Variants in SLC35F5 observed in about 807,000 individuals in gnomAD.
The protein encoded by SLC35F5 is HCV NS5A-transactivated protein 3.
A neutral mutation model predicts 68.6 loss-of-function variants in SLC35F5; 54 were observed. The observed-to-expected ratio is 0.79, with a 90% CI of 0.63 to 0.99. SLC35F5 has a LOEUF of 0.99. Ranked by LOEUF, SLC35F5 falls within the 50% of genes least tolerant of loss-of-function variation. The probability of loss-of-function intolerance (pLI) is 0.00; values close to 1 mark genes in which losing one functional copy is unlikely to be tolerated. For missense variants in SLC35F5, 567 were observed against 626.9 expected (o/e 0.90, Z 1.02); for synonymous variants, 211 against 205.2 (o/e 1.03, Z -0.24).
At chr2:113,721,401 T>C (rs761529076) in intron 13 of SLC35F5, 3 of 154,088 alleles carry the variant, frequency 1.9e-5, no homozygotes, top group African/African-American at 7.2e-5. Context: ...TTATAATTAA[T>C]TGCATGTGCA....
chr2:113,752,410 T>C (rs1676781461), intron 3 of SLC35F5, among the ~76,000 whole-genome samples: 1 of 152,166 alleles, frequency 6.6e-6, no homozygotes, highest in Non-Finnish European at 1.5e-5. Flanking sequence ...AGTACTTAAA[T>C]TGGCATCATC....
rs1213901350 is a variant in SLC35F5 at position 113,712,288 on chromosome 2, T to C, written c.*2930A>G. Among the ~76,000 whole-genome samples, 1 of 152,116 alleles carries C rather than the reference T, an allele frequency of 6.6e-6. No individual in the cohort carries two copies. Among genetic ancestry groups the C allele is most frequent in the Non-Finnish European group, 1.5e-5 (1 of 68,024 alleles). ...CATTACATAAACCTAATGGTTCTTC[T>C]AAGCTTCAAAAAGCATTCATTTCAA... On this transcript the variant is annotated 3_prime_UTR_variant, in exon 16 of 16. Coordinates refer to ENST00000245680, the MANE Select transcript of SLC35F5 (RefSeq NM_025181.5).
At position 113,743,078 on chromosome 2, in the gene SLC35F5, A is replaced by G. The variant is rs1380830664; in HGVS notation, c.563-199T>C. On this transcript the variant is annotated intron_variant, in intron 6 of 15. Transcript: ENST00000245680. ...TAAAAGGAAAAATGATTTCATCTAC[A>G]AAAATGTTGTAAAAGGTTTAAAATG... is the stretch of plus-strand genomic sequence containing the variant. Among the ~76,000 whole-genome samples the G allele has an allele frequency of 2.6e-5, 4 of 152,248 alleles. No individual in the cohort carries two copies. In the East Asian group the frequency reaches 7.7e-4, roughly 29 times the overall value.
chr2:113,716,476 G>C (rs773631767), intron 15 of SLC35F5, among the ~76,000 whole-genome samples: 10 of 152,178 alleles, frequency 6.6e-5, no homozygotes, highest in Non-Finnish European at 1.5e-4. Context: ...CCAAAGTTAT[G>C]CAACAACTAC....
chr2:113,734,291 G>C (rs1427619316), intron 9 of SLC35F5, among the ~76,000 whole-genome samples: 2 of 152,194 alleles, frequency 1.3e-5, no homozygotes, highest in Non-Finnish European at 2.9e-5. Context: ...GGGAGATTAT[G>C]AGGATTAAGC....
chr2:113,733,384 C>A (rs757853962), intron 9 of SLC35F5: 1 of 363,084 alleles, frequency 2.8e-6, no homozygotes, highest in Middle Eastern at 3.7e-4. Context: ...ATTTTATATC[C>A]ATTTCCTTCT....
rs1029055925 is a variant in SLC35F5, at chr2:113,756,259, T to C, written c.40+111A>G. The C allele has an allele frequency of 2.6e-6, 4 of 1,539,974 alleles. No individual in the cohort carries two copies. The African/African-American group carries it at 5.5e-5, about 21-fold the overall frequency. On this transcript the variant is annotated intron_variant, in intron 1 of 15. Transcript: ENST00000245680. ...CCTCCGCCCCTAGAGACCTTCACGG[T>C]TTCGGTCAAGGCGCTCCTGCTGCCA...
In SLC35F5 at chr2:113,725,421, T is replaced by G; in HGVS notation, c.1207A>C (p.Asn403His). ...NKVVLMCIII[N>H]GLIGTVLSEF... ...GAGAGTACTGTTCCAATAAGGCCAT[T>G]AATGATAATGCACATTAATACTACT... Residue 403 changes from asparagine to histidine, a missense_variant, in exon 12 of 16, where the codon AAT (asparagine) becomes CAT (histidine). By Grantham distance (68) the Asn-to-His change is moderately conservative. Transcript: ENST00000245680. 1 of 1,611,552 alleles carries G rather than the reference T, an allele frequency of 6.2e-7. No individual in the cohort carries two copies. Among genetic ancestry groups the G allele is most frequent in the Non-Finnish European group, 8.5e-7 (1 of 1,179,156 alleles).
At chr2:113,727,953 T>C (rs1347326697) in intron 11 of SLC35F5, among the ~76,000 whole-genome samples, 1 of 152,202 alleles carries the variant, frequency 6.6e-6, no homozygotes, top group Non-Finnish European at 1.5e-5. Flanking sequence ...CCATTCCAAA[T>C]AAAATTTTCT....
rs1403012287 is a variant in SLC35F5, at chr2:113,709,905, G to A, written c.*5313C>T. Among the ~76,000 whole-genome samples, 1 of 152,146 alleles carries A rather than the reference G, an allele frequency of 6.6e-6. No homozygotes were observed. Among genetic ancestry groups the A allele is most frequent in the Non-Finnish European group, 1.5e-5 (1 of 68,018 alleles). ...TAACTCACTGCAGCCTCGAACTCCT[G>A]GGTTCAAGTGATCCTCCTGCCTCAG... On this transcript the variant is annotated 3_prime_UTR_variant, in exon 16 of 16. Coordinates refer to ENST00000245680, the MANE Select transcript of SLC35F5 (RefSeq NM_025181.5).
chr2:113,735,049 A>T (rs1346745924), intron 8 of SLC35F5, among the ~76,000 whole-genome samples: 1 of 152,136 alleles, frequency 6.6e-6, no homozygotes, highest in Admixed American at 6.6e-5. Context: ...TTGAAAGGTG[A>T]TTCAATCTTA....
At chr2:113,716,066 G>A (rs185917201) in intron 15 of SLC35F5, among the ~76,000 whole-genome samples, 1 of 152,286 alleles carries the variant, frequency 6.6e-6, no homozygotes, top group Admixed American at 6.5e-5. Flanking sequence ...ACAGGCATGA[G>A]TCACTATGCC....
intron 4 of SLC35F5, among the ~76,000 whole-genome samples, chr2:113,748,705 TAAAA>T (rs1676615006): frequency 6.6e-6 from 1 of 152,200 alleles, no homozygotes; most frequent in Admixed American, 6.5e-5. Flanking sequence ...TTTTGCAAAG[TAAAA>T]AAATACATAC....
chr2:113,740,729 C>A (rs1676233177), intron 7 of SLC35F5, among the ~76,000 whole-genome samples: 1 of 152,074 alleles, frequency 6.6e-6, no homozygotes, highest in Non-Finnish European at 1.5e-5. Context: ...TGGGTTCAAG[C>A]GATTCTCCTG....
At chr2:113,726,525 ATACT>A (rs1376429265) in intron 11 of SLC35F5, among the ~76,000 whole-genome samples, 33 of 152,184 alleles carry the variant, frequency 2.2e-4, no homozygotes, top group Non-Finnish European at 8.8e-5. Flanking sequence ...TATATAATTG[ATACT>A]TACTATGTCA....
At chr2:113,754,303 AAG>A (rs1676878269) in intron 3 of SLC35F5, among the ~76,000 whole-genome samples, 1 of 141,856 alleles carries the variant, frequency 7.0e-6, no homozygotes. Flanking sequence ...TCAAAAAAAA[AAG>A]AAAAAAAAAA....
downstream of SLC35F5, among the ~76,000 whole-genome samples, chr2:113,704,672 G>T (rs993398840): frequency 1.3e-5 from 2 of 152,004 alleles, no homozygotes; most frequent in African/African-American, 4.8e-5. Context: ...ATTGCCCGGG[G>T]CCGGCAGGGC....
At chr2:113,725,665 G>C in intron 11 of SLC35F5, 128 bp from the exon 12 acceptor site, 1 of 805,638 alleles carries the variant, frequency 1.2e-6, no homozygotes, top group Non-Finnish European at 1.9e-6. Flanking sequence ...TAAAACTTCT[G>C]TTGGTTTGTT....
At position 113,707,179 on chromosome 2, in the gene SLC35F5, CATT is replaced by C. The variant is rs10586101; in HGVS notation, c.*8036_*8038del. On this transcript the variant is annotated 3_prime_UTR_variant, in exon 16 of 16. Coordinates refer to ENST00000245680, the MANE Select transcript of SLC35F5 (RefSeq NM_025181.5). ...TTTCTAAAACATTGTTTCCATAACT[CATT>C]ATAAATATTTCATCTTCCGAAAGTA... 0.25 allele frequency among the ~76,000 whole-genome samples: 37,261 copies of C among 151,872 alleles called. 4,927 individuals are homozygous for C. Among genetic ancestry groups the C allele is most frequent in the Middle Eastern group, 0.49 (141 of 288 alleles).
Sources: gnomAD v4.1 joint callset for allele counts (sites outside exome capture counted in the v4.1 genomes callset) on GRCh38, gnomAD v4.1.1 for gene constraint, MANE v1.5 for transcripts, NCBI Gene and HGNC (gene_info 2026-07-23, HGNC 2026-07-21) for gene names.